The following ASH1L variants were observed in gnomAD, a reference collection of about 807,000 sequenced individuals.
ASH1L encodes ASH1 like histone lysine methyltransferase, also known as histone-lysine N-methyltransferase ASH1L.
ASH1L carries 23 observed loss-of-function variants against 269.0 expected under a neutral mutation model. The observed-to-expected ratio is 0.09, with a 90% CI of 0.06 to 0.12. The LOEUF (loss-of-function observed/expected upper bound fraction) is 0.12. Ranked by LOEUF, ASH1L falls within the 10% of genes least tolerant of loss-of-function variation. The pLI, the probability that ASH1L is intolerant of heterozygous loss-of-function variation, is 1.00. For missense variants in ASH1L, 2,912 were observed against 3,567.8 expected (o/e 0.82, Z 4.68); for synonymous variants, 1,187 against 1,253.5 (o/e 0.95, Z 1.12).
chr1:155,484,287 G>A (rs758142633), intron 2 of ASH1L, among the ~76,000 whole-genome samples: 5 of 151,990 alleles, frequency 3.3e-5, no homozygotes, highest in South Asian at 2.1e-4. Flanking sequence ...TCAGGAGTTC[G>A]AGACCAGCTT....
chr1:155,512,789 T>G lies in ASH1L; in HGVS notation c.420+8311A>C, dbSNP rs114911662. Among the ~76,000 whole-genome samples, 87 of 151,772 alleles carry G rather than the reference T, an allele frequency of 5.7e-4. 1 individual carries two copies. Among genetic ancestry groups the G allele is most frequent in the African/African-American group, 2.0e-3 (84 of 41,426 alleles). The stretch of plus-strand genomic sequence containing the variant: ...TGGGCACAGTGGCTCACTGGCACGG[T>G]GGCTGACACCTTGTAATCCCAGCAC... On this transcript the variant is annotated intron_variant, in intron 2 of 27. Coordinates refer to ENST00000392403, the MANE Select transcript of ASH1L (RefSeq NM_018489.3).
chr1:155,355,555 G>T (rs1306174126), intron 15 of ASH1L, among the ~76,000 whole-genome samples: 1 of 152,214 alleles, frequency 6.6e-6, no homozygotes, highest in Admixed American at 6.5e-5. Flanking sequence ...TCCCCTGGGA[G>T]ACTTTAAAAA....
intron 5 of ASH1L, 68 bp from the exon 6 acceptor site, chr1:155,415,991 T>TAA (rs375529558): frequency 0.025 from 25,515 of 1,020,556 alleles, 110 homozygotes; most frequent in Middle Eastern, 0.066. Context: ...ATTGTCTACT[T>TAA]AAAAAAAAAA....
Position 155,473,467 on chromosome 1 carries a change from T to A in ASH1L, c.4984+4419A>T, listed in dbSNP as rs530236038. On this transcript the variant is annotated intron_variant, in intron 3 of 27. Transcript: ENST00000392403. ...CCTTCATCTTTTCCTGGAAGGTTAA[T>A]GCCTATATTTATTGTAGTATTTCTA... 1.7e-3 allele frequency among the ~76,000 whole-genome samples: 254 copies of A among 152,036 alleles called. 1 individual carries two copies. The highest frequency in any genetic ancestry group is 3.1e-3 in the South Asian group (15 of 4,826).
At chr1:155,396,936 T>C (rs1571097564) in intron 6 of ASH1L, 2 of 134,716 alleles carry the variant, frequency 1.5e-5, no homozygotes, top group African/African-American at 5.7e-5. Flanking sequence ...TACTCCAGCC[T>C]GGGAGACACA....
intron 1 of ASH1L, among the ~76,000 whole-genome samples, chr1:155,534,822 T>C (rs553315766): frequency 1.1e-4 from 16 of 152,234 alleles, no homozygotes; most frequent in Non-Finnish European, 1.9e-4. Context: ...ATTCTTTTTC[T>C]TTTTAGATAA....
chr1:155,352,025 G>A (rs1271361542), intron 17 of ASH1L, among the ~76,000 whole-genome samples: 1 of 151,716 alleles, frequency 6.6e-6, no homozygotes, highest in South Asian at 2.1e-4. Context: ...TGGAATTTAC[G>A]GTGAGGGGCC....
intron 6 of ASH1L, among the ~76,000 whole-genome samples, chr1:155,411,079 G>C (rs1659720542): frequency 1.3e-5 from 2 of 152,146 alleles, no homozygotes; most frequent in Non-Finnish European, 2.9e-5. Context: ...TATCACAATG[G>C]TGTGGTGTAA....
chr1:155,511,294 C>T (rs1668145642), intron 2 of ASH1L, among the ~76,000 whole-genome samples: 1 of 152,158 alleles, frequency 6.6e-6, no homozygotes, highest in Non-Finnish European at 1.5e-5. Context: ...ATTTTTGAGT[C>T]TAATTCATTA....
chr1:155,517,711 T>C (rs1414511204), intron 2 of ASH1L, among the ~76,000 whole-genome samples: 4 of 151,780 alleles, frequency 2.6e-5, no homozygotes, highest in African/African-American at 4.8e-5. Context: ...AGTGTGGTAC[T>C]TGCAGAAAGA....
rs1182576325 is a variant in ASH1L, at chr1:155,553,281, C to A, written c.-100+8872G>T. Among the ~76,000 whole-genome samples, 5 of 152,306 alleles carry A rather than the reference C, an allele frequency of 3.3e-5. No individual in the cohort carries two copies. In the East Asian group the frequency reaches 9.6e-4, roughly 29 times the overall value. ...ATTAACTAGAATGCTGAGTGGGTTA[C>A]ATTCTAGTAAAAATTTTCTGAGTAA... On this transcript the variant is annotated intron_variant, in intron 1 of 27. Transcript: ENST00000392403.
intron 13 of ASH1L, among the ~76,000 whole-genome samples, chr1:155,358,500 A>G (rs1283665492): frequency 1.3e-5 from 2 of 152,032 alleles, no homozygotes; most frequent in African/African-American, 2.4e-5. Flanking sequence ...CCTGGCTAAC[A>G]TGGTAAAACC....
intron 1 of ASH1L, among the ~76,000 whole-genome samples, chr1:155,546,902 T>C (rs994476781): frequency 6.6e-6 from 1 of 151,158 alleles, no homozygotes; most frequent in African/African-American, 2.4e-5. Context: ...TTTATGTGCA[T>C]ATATACACTT....
intron 2 of ASH1L, among the ~76,000 whole-genome samples, chr1:155,517,140 C>T (rs554279002): frequency 6.6e-6 from 1 of 152,238 alleles, no homozygotes; most frequent in South Asian, 2.1e-4. Context: ...CCCAAATAGC[C>T]AAAACAATTT....
intron 7 of ASH1L, among the ~76,000 whole-genome samples, chr1:155,383,258 C>T (rs990618350): frequency 5.3e-5 from 8 of 152,176 alleles, no homozygotes; most frequent in South Asian, 2.1e-4. Flanking sequence ...TTTAGTGTAG[C>T]CTAAGTGTGC....
rs77129996 is a variant in ASH1L, at chr1:155,431,181, G to A, written c.5828+7146C>T. On this transcript the variant is annotated intron_variant, in intron 5 of 27. Coordinates refer to ENST00000392403, the MANE Select transcript of ASH1L (RefSeq NM_018489.3). Reference sequence around the variant, plus strand: ...AGCCAAGCCATTGTACTCCAGCCTGGGCAACAGAGCAAGATGCCGTCTCAA... The same window carrying A: ...AGCCAAGCCATTGTACTCCAGCCTGAGCAACAGAGCAAGATGCCGTCTCAA... Among the ~76,000 whole-genome samples, 172 of 151,314 alleles carry A rather than the reference G, an allele frequency of 1.1e-3. 5 individuals carry two copies. In the East Asian group the frequency reaches 0.031, roughly 27 times the overall value.
intron 5 of ASH1L, among the ~76,000 whole-genome samples, chr1:155,434,503 TAA>T (rs777553969): frequency 0.019 from 1,349 of 70,188 alleles, 23 homozygotes; most frequent in African/African-American, 0.069. Context: ...TGGGACACAG[TAA>T]AAAAAAAAAA....
chr1:155,529,978 A>T (rs752425090), intron 1 of ASH1L, among the ~76,000 whole-genome samples: 5 of 151,870 alleles, frequency 3.3e-5, no homozygotes, highest in South Asian at 2.1e-4. Context: ...AAAAATAAAA[A>T]AAATAAAAAA....
intron 3 of ASH1L, among the ~76,000 whole-genome samples, chr1:155,474,461 G>A (rs1665372616): frequency 6.6e-6 from 1 of 152,130 alleles, no homozygotes; most frequent in African/African-American, 2.4e-5. Flanking sequence ...ACTTTGGGAG[G>A]GCAAGGTAGG....
Sources: allele counts gnomAD v4.1 joint callset (sites outside exome capture counted in the v4.1 genomes callset), GRCh38; gene constraint gnomAD v4.1.1; transcripts MANE v1.5; gene names NCBI Gene and HGNC (gene_info 2026-07-23, HGNC 2026-07-21).